SREK1: variants seen among roughly 807,000 people sequenced by gnomAD.
SREK1 encodes splicing regulatory glutamic acid and lysine rich protein 1.
SREK1 carries 13 observed loss-of-function variants against 66.5 expected under a neutral mutation model. The observed-to-expected ratio is 0.20, with a 90% CI of 0.13 to 0.31. The LOEUF is 0.31. SREK1 is among the 10% of genes least tolerant of loss of function. The pLI is 1.00. For synonymous variants in SREK1, 265 were observed against 263.5 expected, an observed-to-expected ratio of 1.01 and a Z score of -0.05; for missense variants, 607 against 769.6, an observed-to-expected ratio of 0.79 and a Z score of 2.50.
In SREK1 at chr5:66,173,188, A is replaced by G. The variant is rs535098465; in HGVS notation, c.1485-1758A>G. On this transcript the variant is annotated intron_variant, in intron 9 of 11. Transcript: ENST00000334121. Reference sequence around the variant, plus strand: ...ATTTTTCTGCTTTTCAAATGTTCTGATTTGTTTACTAAATGGAGAATATTT... The same window carrying G: ...ATTTTTCTGCTTTTCAAATGTTCTGGTTTGTTTACTAAATGGAGAATATTT... Among the ~76,000 whole-genome samples, 8 of 152,144 alleles carry G rather than the reference A, an allele frequency of 5.3e-5. No individual in the cohort carries two copies. The East Asian group carries it at 1.5e-3, about 29-fold the overall frequency.
chr5:66,175,287 G>C (rs1580677667), intron 10 of SREK1, among the ~76,000 whole-genome samples: 2 of 152,096 alleles, frequency 1.3e-5, no homozygotes, highest in East Asian at 3.8e-4. Context: ...TTCATATACA[G>C]ATAACAAGAT....
At chr5:66,154,129 T>C (rs1744085752) in intron 2 of SREK1, among the ~76,000 whole-genome samples, 1 of 152,194 alleles carries the variant, frequency 6.6e-6, no homozygotes, top group Non-Finnish European at 1.5e-5. Context: ...ATTTAATGTT[T>C]TCTTTTACTG....
chr5:66,164,844 C>T lies in SREK1; in HGVS notation c.948C>T (p.Ser316=). 1 of 1,613,962 alleles carries T rather than the reference C, an allele frequency of 6.2e-7. No individual in the cohort carries two copies. Residue 316 remains serine (S), a synonymous_variant, in exon 7 of 12, where the codon TCC becomes TCT. Transcript: ENST00000334121. ...GRSRSHTRSK[S]RSSSKSHSRR... ...CTCGTTCCCATACTCGCTCAAAATC[C>T]AGGTCTAGCTCAAAATCCCATTCTA...
chr5:66,161,586 A>G (rs1401524460), intron 3 of SREK1, among the ~76,000 whole-genome samples: 1 of 152,184 alleles, frequency 6.6e-6, no homozygotes, highest in East Asian at 1.9e-4. Context: ...AGAAAATATT[A>G]AATACATGTA....
Position 66,160,442 on chromosome 5 carries a change from G to A in SREK1, c.411+1108G>A, listed in dbSNP as rs148980727. Among the ~76,000 whole-genome samples, 419 of 152,234 alleles carry A rather than the reference G, an allele frequency of 2.8e-3. 4 individuals are homozygous for A. Among genetic ancestry groups the A allele is most frequent in the African/African-American group, 9.7e-3 (402 of 41,530 alleles). ...AAGACCTGCATTCTGATTCTTGGGG[G>A]GAAATGTTTTTTAATTGAACTTATG... On this transcript the variant is annotated intron_variant, in intron 3 of 11. Transcript: ENST00000334121.
Position 66,144,887 on chromosome 5 carries a change from T to C in SREK1, c.161+350T>C, listed in dbSNP as rs575492291. On this transcript the variant is annotated intron_variant, in intron 1 of 11. Coordinates refer to ENST00000334121, the MANE Select transcript of SREK1 (RefSeq NM_001077199.3). ...GCAGGTGGGCCCGGAACAGCCCTCA[T>C]GGCAAACGTCTCAGAGCGTTTTTCC... The C allele has an allele frequency of 2.6e-5, 26 of 1,013,872 alleles. No homozygotes were observed. In the Admixed American group the frequency reaches 8.8e-4, roughly 34 times the overall value. The allele number at this position is 1,013,872 out of a possible 1,614,324, so 62.8% of individuals were successfully genotyped here. A position where few individuals can be genotyped will look rare whatever the true frequency, so the allele number is the denominator to read the frequency against.
rs1172542251 is a variant in SREK1, at chr5:66,175,053, G to A, written c.1580+12G>A. The A allele has an allele frequency of 1.9e-6, 3 of 1,603,262 alleles. No homozygotes were observed. Among genetic ancestry groups the A allele is most frequent in the South Asian group, 2.2e-5 (2 of 88,990 alleles). On this transcript the variant is annotated intron_variant, in intron 10 of 11. Transcript: ENST00000334121. ...CCGTCCCCCAGGAGGTAGGTTGGGA[G>A]CTTGTGCTAAAACTAAACAGGAGAA...
At chr5:66,168,050 T>C (rs1165606694) in intron 7 of SREK1, 1 of 151,994 alleles carries the variant, frequency 6.6e-6, no homozygotes, top group African/African-American at 2.4e-5. Flanking sequence ...AAAAACATGG[T>C]ATGTGATTTC....
At chr5:66,146,705 G>A (rs1743237478) in intron 1 of SREK1, among the ~76,000 whole-genome samples, 1 of 151,844 alleles carries the variant, frequency 6.6e-6, no homozygotes, top group African/African-American at 2.4e-5. Flanking sequence ...ATTAGAAGAC[G>A]TGTTTGCAAA....
chr5:66,170,525 G>A (rs1580666776), intron 8 of SREK1, 60 bp from the exon 9 acceptor site: 1 of 1,527,152 alleles, frequency 6.5e-7, no homozygotes, highest in Non-Finnish European at 8.8e-7. Context: ...AGAGAGAGAG[G>A]TCTTTTTGGA....
At position 66,162,421 on chromosome 5, in the gene SREK1, C is replaced by T; in HGVS notation, c.584C>T (p.Thr195Ile). The T allele has an allele frequency of 6.2e-7, 1 of 1,613,870 alleles. No homozygotes were observed. The highest frequency in any genetic ancestry group is 8.5e-7 in the Non-Finnish European group (1 of 1,179,838). Reference protein sequence around the residue: ...YVGNLNSQTTTADQLLEFFKQ... With the variant: ...YVGNLNSQTTIADQLLEFFKQ... ...GTCACTTTGTTCCCTTAGACAACGA[C>T]AGCTGATCAACTACTTGAATTTTTT... Residue 195 changes from threonine (T) to isoleucine (I), a missense_variant, in exon 5 of 12, where the codon ACA (threonine) becomes ATA (isoleucine). By Grantham distance (89) the Thr-to-Ile change is moderately conservative. This residue lies in a region of SREK1 where 99 missense variants were observed against 186.6 expected (regional missense o/e 0.53). Transcript: ENST00000334121.
chr5:66,156,585 TC>T (rs1293961363), intron 2 of SREK1: 11 of 985,362 alleles, frequency 1.1e-5, no homozygotes, highest in Non-Finnish European at 1.3e-5. Context: ...CTAGTTTTTT[TC>T]CCCCCTAGTC....
intron 1 of SREK1, chr5:66,145,040 C>T: frequency 2.0e-6 from 2 of 986,080 alleles, no homozygotes; most frequent in Non-Finnish European, 2.4e-6. Flanking sequence ...GTTTGTTTCC[C>T]AGGACGGTCG....
At chr5:66,150,191 A>C (rs1241278243) in intron 1 of SREK1, among the ~76,000 whole-genome samples, 1 of 152,162 alleles carries the variant, frequency 6.6e-6, no homozygotes, top group Non-Finnish European at 1.5e-5. Context: ...ATGGCTAGAG[A>C]AGCTTATAGG....
chr5:66,151,645 T>C (rs939674946), intron 1 of SREK1, among the ~76,000 whole-genome samples: 1 of 152,028 alleles, frequency 6.6e-6, no homozygotes, highest in Non-Finnish European at 1.5e-5. Context: ...GAGGCCTGAA[T>C]TGGTGATTTG....
chr5:66,145,106 A>G (rs1580605028), intron 1 of SREK1: 1 of 985,568 alleles, frequency 1.0e-6, no homozygotes, highest in African/African-American at 1.7e-5. Context: ...CCCAAAGATC[A>G]TGTCTGTTAG....
chr5:66,157,626 ATTG>A (rs1744401613), intron 2 of SREK1: 5 of 968,786 alleles, frequency 5.2e-6, no homozygotes, highest in African/African-American at 1.8e-5. Context: ...AAAGCAGATT[ATTG>A]TTATTTGATG....
chr5:66,176,153 G>A (rs1746036013), intron 10 of SREK1, among the ~76,000 whole-genome samples: 1 of 152,040 alleles, frequency 6.6e-6, no homozygotes, highest in Non-Finnish European at 1.5e-5. Flanking sequence ...ATGCTTCCGT[G>A]TTGTTGCAGT....
intron 1 of SREK1, 39 bp from the exon 2 acceptor site, chr5:66,153,424 A>G: frequency 6.3e-7 from 1 of 1,584,504 alleles, no homozygotes; most frequent in Non-Finnish European, 8.6e-7. Context: ...AACCAAGCAA[A>G]TGTTTATTAG....
Sources: gnomAD v4.1 joint callset for allele counts (sites outside exome capture counted in the v4.1 genomes callset) on GRCh38, gnomAD v4.1.1 for gene constraint, gnomAD v4.1.1 regional missense constraint, MANE v1.5 for transcripts, NCBI Gene and HGNC (gene_info 2026-07-23, HGNC 2026-07-21) for gene names.